TRMT10B: variants seen among roughly 807,000 people sequenced by gnomAD.
TRMT10B encodes tRNA methyltransferase 10 homolog B.
TRMT10B carries 33 observed loss-of-function variants against 43.8 expected under a neutral mutation model. The observed-to-expected ratio is 0.75, with a 90% CI of 0.57 to 1.01. The LOEUF (loss-of-function observed/expected upper bound fraction) is 1.01. Among genes scored for constraint, TRMT10B ranks in the 50% least tolerant of loss-of-function variants. TRMT10B has a pLI of 0.00. For missense variants in TRMT10B, 362 were observed against 369.8 expected, an observed-to-expected ratio of 0.98 and a Z score of 0.17; for synonymous variants, 137 against 130.6, an observed-to-expected ratio of 1.05 and a Z score of -0.34.
At chr9:37,755,312 G>C (rs1825530912) in intron 1 of TRMT10B, among the ~76,000 whole-genome samples, 1 of 140,834 alleles carries the variant, frequency 7.1e-6, no homozygotes, top group African/African-American at 2.6e-5. Context: ...ACTTTAGGAA[G>C]ACAAACAAGC....
At chr9:37,760,155 G>A (rs550810361) in intron 1 of TRMT10B, among the ~76,000 whole-genome samples, 53 of 152,252 alleles carry the variant, frequency 3.5e-4, no homozygotes, top group East Asian at 1.2e-3. Context: ...GTGAAACCCC[G>A]TCTCTACTAA....
At chr9:37,753,453 C>G (rs1032900814), upstream of TRMT10B, among the ~76,000 whole-genome samples, 2 of 152,198 alleles carry the variant, frequency 1.3e-5, no homozygotes, top group East Asian at 3.8e-4. Flanking sequence ...AGGTTTCCTT[C>G]GGCAGAGAGG....
At chr9:37,762,744 A>G (rs1419855614) in intron 3 of TRMT10B, 59 bp downstream of exon 3, 5 of 1,506,960 alleles carry the variant, frequency 3.3e-6, no homozygotes, top group Admixed American at 2.3e-5. Flanking sequence ...ACGTGTCTGC[A>G]TGTTCCAATG....
chr9:37,772,141 A>G (rs1827662374), intron 7 of TRMT10B, among the ~76,000 whole-genome samples: 1 of 152,090 alleles, frequency 6.6e-6, no homozygotes, highest in Admixed American at 6.5e-5. Context: ...CCTCCTGGGT[A>G]GCTGAGACTA....
upstream of TRMT10B, among the ~76,000 whole-genome samples, chr9:37,752,982 T>C (rs1472438512): frequency 1.3e-5 from 2 of 152,026 alleles, no homozygotes; most frequent in Non-Finnish European, 2.9e-5. Flanking sequence ...ACCCTTTGGG[T>C]CCCTACTGTC....
In TRMT10B at chr9:37,754,223, A is replaced by G. The variant is rs1327276978; in HGVS notation, c.-30+371A>G. Among the ~76,000 whole-genome samples the G allele has an allele frequency of 2.0e-5, 3 of 152,192 alleles. No individual in the cohort carries two copies. In the East Asian group the frequency reaches 5.8e-4, roughly 29 times the overall value. On this transcript the variant is annotated intron_variant, in intron 1 of 8. Transcript: ENST00000297994. ...ATTTATTAAGCATCTATAAGCAAACAACACTTGCCTACATTGAAGGGATGG... is the reference window on the plus strand; with the variant it reads ...ATTTATTAAGCATCTATAAGCAAACGACACTTGCCTACATTGAAGGGATGG...
chr9:37,759,764 C>A (rs1462949332), intron 1 of TRMT10B, among the ~76,000 whole-genome samples: 1 of 152,150 alleles, frequency 6.6e-6, no homozygotes, highest in Admixed American at 6.5e-5. Context: ...TTCCAGTGAG[C>A]CAAGATTATG....
intron 4 of TRMT10B, among the ~76,000 whole-genome samples, chr9:37,766,336 A>G (rs956321512): frequency 3.3e-5 from 5 of 152,216 alleles, no homozygotes; most frequent in African/African-American, 1.2e-4. Context: ...TAAATAGGGT[A>G]TCCTTTCCCC....
At chr9:37,752,927 G>C (rs555165630), upstream of TRMT10B, among the ~76,000 whole-genome samples, 336 of 152,298 alleles carry the variant, frequency 2.2e-3, 1 homozygote, top group Non-Finnish European at 1.4e-3. Flanking sequence ...TGCCTTTCTG[G>C]ACTGTGGGTG....
intron 4 of TRMT10B, among the ~76,000 whole-genome samples, chr9:37,765,136 A>G (rs1312671079): frequency 2.0e-5 from 3 of 152,198 alleles, no homozygotes; most frequent in African/African-American, 7.2e-5. Flanking sequence ...TTTAAGGTAC[A>G]TGTGCACAAC....
In TRMT10B at chr9:37,776,417, A is replaced by G. The variant is rs757840043; in HGVS notation, c.844+12A>G. 4.4e-6 allele frequency: 7 copies of G among 1,602,340 alleles called. No individual in the cohort carries two copies. In the Admixed American group the frequency reaches 1.2e-4, roughly 28 times the overall value. The stretch of plus-strand genomic sequence containing the variant: ...GGCCATCAATCAAGGTACTTCTTAC[A>G]CGGCCCCCATCCAGGGTGTGTGAGT... On this transcript the variant is annotated intron_variant, in intron 8 of 8. Coordinates refer to ENST00000297994, the MANE Select transcript of TRMT10B (RefSeq NM_144964.4).
intron 8 of TRMT10B, among the ~76,000 whole-genome samples, chr9:37,777,011 T>C (rs1309540553): frequency 3.3e-5 from 5 of 150,906 alleles, no homozygotes; most frequent in African/African-American, 9.8e-5. Context: ...CTGACCAACA[T>C]GGAGAAACAC....
At chr9:37,764,001 G>A (rs1014317582) in intron 4 of TRMT10B, 4 of 506,980 alleles carry the variant, frequency 7.9e-6, no homozygotes, top group Non-Finnish European at 1.3e-5. Context: ...CAACATCTTT[G>A]CCTCTCTGTT....
At chr9:37,758,035 A>C (rs117602153) in intron 1 of TRMT10B, among the ~76,000 whole-genome samples, 2,795 of 152,358 alleles carry the variant, frequency 0.018, 40 homozygotes, top group Non-Finnish European at 0.027. Flanking sequence ...TTTTCCAAAC[A>C]CAGGAGTCAA....
At chr9:37,757,952 AACT>A (rs34964297) in intron 1 of TRMT10B, among the ~76,000 whole-genome samples, 3,386 of 152,304 alleles carry the variant, frequency 0.022, 117 homozygotes, top group African/African-American at 0.077. Flanking sequence ...AACTGAAAAC[AACT>A]AAAGTTTGGC....
intron 1 of TRMT10B, among the ~76,000 whole-genome samples, chr9:37,755,061 G>T (rs987006502): frequency 1.3e-5 from 2 of 152,082 alleles, no homozygotes; most frequent in African/African-American, 4.8e-5. Context: ...GCGAGGTCAG[G>T]AGATCGAGAC....
upstream of TRMT10B, among the ~76,000 whole-genome samples, chr9:37,753,228 C>T (rs551364977): frequency 3.3e-4 from 51 of 152,300 alleles, no homozygotes; most frequent in African/African-American, 1.1e-3. Context: ...CGCGATGGTC[C>T]GCGGTTTCAT....
intron 4 of TRMT10B, among the ~76,000 whole-genome samples, chr9:37,764,941 C>G (rs752261271): frequency 6.6e-6 from 1 of 152,020 alleles, no homozygotes; most frequent in African/African-American, 2.4e-5. Flanking sequence ...GAATGAACAG[C>G]AAGGGGCTGT....
intron 3 of TRMT10B, among the ~76,000 whole-genome samples, chr9:37,762,943 A>T (rs1359086327): frequency 6.8e-6 from 1 of 147,600 alleles, no homozygotes; most frequent in African/African-American, 2.5e-5. Flanking sequence ...ACCGTCCTGG[A>T]TAACACGGTG....
Sources: allele counts gnomAD v4.1 joint callset (sites outside exome capture counted in the v4.1 genomes callset), GRCh38; gene constraint gnomAD v4.1.1; transcripts MANE v1.5; gene names NCBI Gene and HGNC (gene_info 2026-07-23, HGNC 2026-07-21).